The following CYFIP2 variants were observed in gnomAD, a reference collection of about 807,000 sequenced individuals.
CYFIP2 encodes the protein cytoplasmic FMR1 interacting protein 2.
CYFIP2 carries 29 observed loss-of-function variants against 158.7 expected under a neutral mutation model. The observed-to-expected ratio is 0.18, with a 90% CI of 0.14 to 0.25. The LOEUF is 0.25. Ranked by LOEUF, CYFIP2 falls within the 10% of genes least tolerant of loss-of-function variation. CYFIP2 has a pLI of 1.00. For synonymous variants in CYFIP2, 585 were observed against 617.6 expected (o/e 0.95, Z 0.78); for missense variants, 852 against 1,639.5 (o/e 0.52, Z 8.29).
chr5:157,351,527 A>G (rs929183923), intron 23 of CYFIP2, among the ~76,000 whole-genome samples: 1 of 152,264 alleles, frequency 6.6e-6, no homozygotes, highest in African/African-American at 2.4e-5. Flanking sequence ...TACAAACCAC[A>G]TGACAACTCC....
Position 157,393,078 on chromosome 5 carries a change from A to C in CYFIP2, c.*78A>C, listed in dbSNP as rs919176519. Reference sequence around the variant, plus strand: ...AAAGCCACAGCCAGCCTGCCATAGGATCCAACTGGACAACGTGTGGGATGG... The same window carrying C: ...AAAGCCACAGCCAGCCTGCCATAGGCTCCAACTGGACAACGTGTGGGATGG... On this transcript the variant is annotated 3_prime_UTR_variant, in exon 31 of 31. Transcript: ENST00000620254. 3.3e-5 allele frequency: 51 copies of C among 1,542,146 alleles called. No homozygotes were observed. In the Admixed American group the frequency reaches 5.9e-4, roughly 18 times the overall value.
chr5:157,393,181 C>T lies in CYFIP2; in HGVS notation c.*181C>T. The T allele has an allele frequency of 2.1e-6, 1 of 479,108 alleles. No homozygotes were observed. The highest frequency in any genetic ancestry group is 4.4e-5 in the South Asian group (1 of 22,852). 29.7% of individuals were successfully genotyped at this position (479,108 alleles called of 1,614,324 possible). A position where few individuals can be genotyped will look rare whatever the true frequency, so the allele number is the denominator to read the frequency against. On this transcript the variant is annotated 3_prime_UTR_variant, in exon 31 of 31. Coordinates refer to ENST00000620254, the MANE Select transcript of CYFIP2 (RefSeq NM_001037333.3). ...TGTGCATGCTCTCCCATGACATCTC[C>T]ATGCTGGTTTCTCCATAGCATAAAT...
At position 157,304,282 on chromosome 5, in the gene CYFIP2, G is replaced by T; in HGVS notation, c.711G>T (p.Leu237=). ...QLEVIPGYEE[L]LADIVNICVD... The stretch of plus-strand genomic sequence containing the variant: ...AAGTGATCCCAGGCTATGAGGAGCT[G>T]CTGGCTGACATTGTCAACATCTGTG... Residue 237 remains leucine, a synonymous_variant, in exon 8 of 31, where the codon CTG becomes CTT. Coordinates refer to ENST00000620254, the MANE Select transcript of CYFIP2 (RefSeq NM_001037333.3). 6 of 1,613,768 alleles carry T rather than the reference G, an allele frequency of 3.7e-6. No homozygotes were observed. The South Asian group carries it at 6.6e-5, about 18-fold the overall frequency.
chr5:157,288,945 G>A (rs377455151), intron 3 of CYFIP2, among the ~76,000 whole-genome samples: 8 of 152,192 alleles, frequency 5.3e-5, no homozygotes, highest in East Asian at 1.9e-4. Flanking sequence ...CCTTGTAGGA[G>A]GATAATGATA....
chr5:157,325,888 C>A, intron 17 of CYFIP2: 2 of 540,452 alleles, frequency 3.7e-6, no homozygotes, highest in African/African-American at 1.9e-5. Flanking sequence ...AGAAAAGAAT[C>A]ATCTCAGGAG....
rs1332750198 is a variant in CYFIP2 at position 157,390,526 on chromosome 5, G to A, written c.3452G>A (p.Cys1151Tyr). 1 of 1,549,734 alleles carries A rather than the reference G, an allele frequency of 6.5e-7. No individual in the cohort carries two copies. The highest frequency in any genetic ancestry group is 8.7e-7 in the Non-Finnish European group (1 of 1,146,624). Residue 1151 changes from cysteine (C) to tyrosine (Y), a missense_variant, in exon 30 of 31, where the codon TGT (cysteine) becomes TAT (tyrosine). Transcript: ENST00000620254. The part of the protein sequence containing the change: ...VGTNEFTAEQ[C>Y]FGDGLNWAGC... ...CTTCCTCCCCCTGCTCCCAGGCAGT[G>A]TTTCGGCGATGGCTTGAACTGGGCT...
At chr5:157,307,696 T>G in intron 8 of CYFIP2, 65 bp from the exon 9 acceptor site, 1 of 906,456 alleles carries the variant, frequency 1.1e-6, no homozygotes, top group Non-Finnish European at 1.8e-6. Context: ...AGACCTACCT[T>G]TTTGTTTTTA....
intron 3 of CYFIP2, chr5:157,288,566 G>C (rs986285732): frequency 2.2e-6 from 1 of 455,656 alleles, no homozygotes; most frequent in Non-Finnish European, 4.4e-6. Flanking sequence ...TGAGTCAAGT[G>C]GGAAATAGAT....
intron 28 of CYFIP2, among the ~76,000 whole-genome samples, chr5:157,388,166 A>AC (rs1356566072): frequency 6.6e-6 from 1 of 152,186 alleles, no homozygotes; most frequent in East Asian, 1.9e-4. Flanking sequence ...TGGAGACCTT[A>AC]CTTTAACCTC....
intron 23 of CYFIP2, among the ~76,000 whole-genome samples, chr5:157,357,493 G>A (rs758569332): frequency 7.2e-5 from 11 of 152,166 alleles, no homozygotes; most frequent in Non-Finnish European, 1.5e-4. Context: ...CATGTTCCAT[G>A]TACAAGATTT....
chr5:157,293,010 ATATGTATGTATGTATGTATGTATG>A (rs57500401), intron 3 of CYFIP2, among the ~76,000 whole-genome samples: 8 of 144,358 alleles, frequency 5.5e-5, no homozygotes, highest in African/African-American at 1.9e-4. Flanking sequence ...TTGAGCCCAG[ATATGTATGTATGTATGTATGTATG>A]TATGTATGTA....
chr5:157,360,779 C>T (rs1439803120), intron 25 of CYFIP2, among the ~76,000 whole-genome samples: 1 of 152,204 alleles, frequency 6.6e-6, no homozygotes, highest in Non-Finnish European at 1.5e-5. Flanking sequence ...AGGAAATGGA[C>T]ATCTTTGCTG....
intron 26 of CYFIP2, chr5:157,364,121 A>C (rs898536539): frequency 1.4e-5 from 2 of 142,590 alleles, no homozygotes; most frequent in African/African-American, 5.1e-5. Flanking sequence ...ATAGCAACGT[A>C]GCCCTCAGAA....
At chr5:157,348,562 C>A (rs189843372) in intron 23 of CYFIP2, among the ~76,000 whole-genome samples, 133 of 152,310 alleles carry the variant, frequency 8.7e-4, no homozygotes, top group African/African-American at 2.8e-3. Flanking sequence ...CAGGTGTGCA[C>A]CACCATGCCC....
In CYFIP2 at chr5:157,342,961, A is replaced by C. The variant is rs144111305; in HGVS notation, c.2673+1804A>C. 630 of 1,614,208 alleles carry C rather than the reference A, an allele frequency of 3.9e-4. No homozygotes were observed. The African/African-American group carries it at 7.6e-3, about 19-fold the overall frequency. On this transcript the variant is annotated intron_variant, in intron 23 of 30. Transcript: ENST00000620254. ...CCTGGTTGGCTTCGGGATCCAGTTC[A>C]GCTCCATCTCTGGAGTTCTTGCGTG...
In CYFIP2 at chr5:157,367,419, T is replaced by C. The variant is rs147857778; in HGVS notation, c.3039+5821T>C. Among the ~76,000 whole-genome samples, 635 of 152,276 alleles carry C rather than the reference T, an allele frequency of 4.2e-3. 5 individuals carry two copies. Among genetic ancestry groups the C allele is most frequent in the African/African-American group, 0.014 (599 of 41,554 alleles). On this transcript the variant is annotated intron_variant, in intron 26 of 30. Transcript: ENST00000620254. ...CTAGTGCAACCTCAAATTTTGTAGATAGGAAAACTGAGGCCCAAGAGGGAG... is the reference window on the plus strand; with the variant it reads ...CTAGTGCAACCTCAAATTTTGTAGACAGGAAAACTGAGGCCCAAGAGGGAG...
At chr5:157,268,763 C>T (rs544770678) in intron 1 of CYFIP2, among the ~76,000 whole-genome samples, 1 of 152,340 alleles carries the variant, frequency 6.6e-6, no homozygotes, top group South Asian at 2.1e-4. Context: ...TCAGTCACCT[C>T]ACTGGAGTCT....
At chr5:157,308,858 C>CGAG (rs1759464593) in intron 9 of CYFIP2, among the ~76,000 whole-genome samples, 4 of 152,164 alleles carry the variant, frequency 2.6e-5, no homozygotes, top group African/African-American at 9.7e-5. Flanking sequence ...ACAACCTCTC[C>CGAG]CTTGGCAGGC....
At chr5:157,271,643 AC>A (rs1200011649) in intron 1 of CYFIP2, 1 of 152,234 alleles carries the variant, frequency 6.6e-6, no homozygotes, top group Non-Finnish European at 1.5e-5. Flanking sequence ...GCAGGTTTGG[AC>A]ATCATGGTTG....
Sources: allele counts gnomAD v4.1 joint callset (sites outside exome capture counted in the v4.1 genomes callset), GRCh38; gene constraint gnomAD v4.1.1; transcripts MANE v1.5; gene names NCBI Gene and HGNC (gene_info 2026-07-23, HGNC 2026-07-21).